Variants in NRDE2 observed in about 807,000 individuals in gnomAD.
The protein encoded by NRDE2 is nuclear exosome regulator NRDE2.
NRDE2 carries 76 observed loss-of-function variants against 124.2 expected under a neutral mutation model. The ratio of observed to expected loss-of-function variants is 0.61; its 90% CI spans 0.51 to 0.74. NRDE2 has a LOEUF of 0.74. NRDE2 is among the 30% of genes least tolerant of loss of function. The probability of loss-of-function intolerance (pLI) is 0.00; values close to 1 mark genes in which losing one functional copy is unlikely to be tolerated. For synonymous variants in NRDE2, 489 were observed against 528.1 expected, an observed-to-expected ratio of 0.93 and a Z score of 1.01; for missense variants, 1,314 against 1,417.3, an observed-to-expected ratio of 0.93 and a Z score of 1.17.
intron 12 of NRDE2, among the ~76,000 whole-genome samples, chr14:90,284,608 A>G (rs1017528210): frequency 3.3e-5 from 5 of 152,014 alleles, no homozygotes; most frequent in Admixed American, 2.0e-4. Context: ...ACCTCAGGTG[A>G]TCCGGCTCCC....
intron 4 of NRDE2, among the ~76,000 whole-genome samples, chr14:90,310,958 T>G (rs1382171211): frequency 6.6e-6 from 1 of 152,176 alleles, no homozygotes; most frequent in South Asian, 2.1e-4. Flanking sequence ...ACCATAAAGT[T>G]TCCATTGACA....
At chr14:90,331,665 G>A (rs558777968) in intron 1 of NRDE2, among the ~76,000 whole-genome samples, 176 bp downstream of exon 1, 1 of 152,292 alleles carries the variant, frequency 6.6e-6, no homozygotes, top group Admixed American at 6.5e-5. Context: ...TCCAGAACAG[G>A]CCTCTGGGCC....
In NRDE2 at chr14:90,269,682, A is replaced by T. The variant is rs1006013239; in HGVS notation, c.*8654T>A. 3 of 986,070 alleles carry T rather than the reference A, an allele frequency of 3.0e-6. No homozygotes were observed. The highest frequency in any genetic ancestry group is 2.4e-4 in the Middle Eastern group (1 of 4,198). 61.1% of individuals were successfully genotyped at this position (986,070 alleles called of 1,614,324 possible). On this transcript the variant is annotated 3_prime_UTR_variant, in exon 14 of 14. Coordinates refer to ENST00000354366, the MANE Select transcript of NRDE2 (RefSeq NM_017970.4). Reference sequence around the variant, plus strand: ...TGAAACTTAGGATAATTTACAAAAAAATAGGTCCTCTTGAGATGAGGGTTA... The same window carrying T: ...TGAAACTTAGGATAATTTACAAAAATATAGGTCCTCTTGAGATGAGGGTTA...
rs890842661 is a variant in NRDE2 at position 90,272,652 on chromosome 14, C to T, written c.*5684G>A. The T allele has an allele frequency of 8.5e-6, 3 of 355,000 alleles. No individual in the cohort carries two copies. Among genetic ancestry groups the T allele is most frequent in the Non-Finnish European group, 1.1e-5 (2 of 185,644 alleles). The allele number at this position is 355,000 out of a possible 1,614,324, so 22.0% of individuals were successfully genotyped here. A position where few individuals can be genotyped will look rare whatever the true frequency, so the allele number is the denominator to read the frequency against. ...TTCCTGTTTCTGCAGTCTCCACACACACCTACCGCTCAACAGCAGCCTGTG... is the reference window on the plus strand; with the variant it reads ...TTCCTGTTTCTGCAGTCTCCACACATACCTACCGCTCAACAGCAGCCTGTG... On this transcript the variant is annotated 3_prime_UTR_variant, in exon 14 of 14. Transcript: ENST00000354366. This position sits in a 1 kb window ranked among gnomAD's most constrained non-coding sequence, Gnocchi z 4.5.
In NRDE2 at chr14:90,290,518, C is replaced by T. The variant is rs45462994; in HGVS notation, c.1932G>A (p.Leu644=). 15 of 1,613,534 alleles carry T rather than the reference C, an allele frequency of 9.3e-6. No individual in the cohort carries two copies. Among genetic ancestry groups the T allele is most frequent in the Non-Finnish European group, 1.3e-5 (15 of 1,179,742 alleles). ...FQLVEAFLQF[L]GVPSGFTPPA... is the part of the protein sequence containing the mutation. ...GAGGAGTAAAGCCAGAAGGCACACC[C>T]AAGAACTGCAGGAAGGCCTCCACCA... The change falls in exon 10 of 14, where the codon TTG becomes TTA. Residue 644 remains leucine, a synonymous_variant. Coordinates refer to ENST00000354366, the MANE Select transcript of NRDE2 (RefSeq NM_017970.4).
At position 90,278,232 on chromosome 14, in the gene NRDE2, CAA is replaced by C; in HGVS notation, c.*102_*103del. 6.4e-6 allele frequency: 9 copies of C among 1,401,578 alleles called. No individual in the cohort carries two copies. In the South Asian group the frequency reaches 1.1e-4, roughly 17 times the overall value. 86.8% of individuals were successfully genotyped at this position (1,401,578 alleles called of 1,614,324 possible). A position where few individuals can be genotyped will look rare whatever the true frequency, so the allele number is the denominator to read the frequency against. ...TTATTACTATCGAGAAAGAACATTT[CAA>C]AAGCCGAGTTCTCCTAACACACACG... On this transcript the variant is annotated 3_prime_UTR_variant, in exon 14 of 14. Coordinates refer to ENST00000354366, the MANE Select transcript of NRDE2 (RefSeq NM_017970.4).
chr14:90,291,521 T>C (rs1892271109), intron 9 of NRDE2, among the ~76,000 whole-genome samples: 1 of 152,174 alleles, frequency 6.6e-6, no homozygotes, highest in Admixed American at 6.5e-5. Flanking sequence ...GAGAAATGAC[T>C]TCCAGAAGGG....
chr14:90,301,707 G>A, intron 6 of NRDE2: 1 of 454,306 alleles, frequency 2.2e-6, no homozygotes, highest in African/African-American at 2.0e-5. Context: ...GAAAAAGGAT[G>A]GCGTAGCAGA....
chr14:90,269,088 T>C lies in NRDE2; in HGVS notation c.*9248A>G. 2 of 241,368 alleles carry C rather than the reference T, an allele frequency of 8.3e-6. No homozygotes were observed. The highest frequency in any genetic ancestry group is 5.2e-5 in the Admixed American group (1 of 19,410). The allele number at this position is 241,368 out of a possible 1,614,324, so 15.0% of individuals were successfully genotyped here. On this transcript the variant is annotated 3_prime_UTR_variant, in exon 14 of 14. Coordinates refer to ENST00000354366, the MANE Select transcript of NRDE2 (RefSeq NM_017970.4). ...TAAGGAATACATGCTGTATAAGGCC[T>C]TTTTCTCTTTTTAGAAGGAACTCAT... is the stretch of plus-strand genomic sequence containing the variant.
intron 4 of NRDE2, among the ~76,000 whole-genome samples, chr14:90,309,952 A>G (rs964054132): frequency 8.5e-5 from 13 of 152,206 alleles, no homozygotes; most frequent in African/African-American, 3.1e-4. Flanking sequence ...AGCCTGTGCC[A>G]TTCATTAGCA....
intron 1 of NRDE2, 35 bp downstream of exon 1, chr14:90,331,806 C>A: frequency 6.2e-7 from 1 of 1,611,464 alleles, no homozygotes; most frequent in Non-Finnish European, 8.5e-7. Flanking sequence ...TCTTAAGCCC[C>A]CCAGGTGCCT....
rs1250062703 is a variant in NRDE2, at chr14:90,275,487, A to G, written c.*2849T>C. On this transcript the variant is annotated 3_prime_UTR_variant, in exon 14 of 14. Coordinates refer to ENST00000354366, the MANE Select transcript of NRDE2 (RefSeq NM_017970.4). ...TAGCTGAGCGTTTTCCTCTAGAGGG[A>G]CAGTCTCCCTCATGTCAATTCTACA... 1.3e-5 allele frequency: 2 copies of G among 152,064 alleles called. No individual in the cohort carries two copies. The highest frequency in any genetic ancestry group is 4.8e-5 in the African/African-American group (2 of 41,368). 9.4% of individuals were successfully genotyped at this position (152,064 alleles called of 1,614,324 possible).
chr14:90,270,709 C>T lies in NRDE2; in HGVS notation c.*7627G>A, dbSNP rs1891638707. ...TCTCCCCAGAGCCGCAGAGTGGGGACCAAGCACCCGCTGCATTCATCTCCC... is the reference window on the plus strand; with the variant it reads ...TCTCCCCAGAGCCGCAGAGTGGGGATCAAGCACCCGCTGCATTCATCTCCC... On this transcript the variant is annotated 3_prime_UTR_variant, in exon 14 of 14. Transcript: ENST00000354366. 5.6e-6 allele frequency: 1 copy of T among 178,848 alleles called. No individual in the cohort carries two copies. The highest frequency in any genetic ancestry group is 1.2e-5 in the Non-Finnish European group (1 of 85,958). The allele number at this position is 178,848 out of a possible 1,614,324, so 11.1% of individuals were successfully genotyped here.
chr14:90,315,121 G>A (rs995714331), intron 3 of NRDE2, among the ~76,000 whole-genome samples: 1 of 141,622 alleles, frequency 7.1e-6, no homozygotes, highest in African/African-American at 2.6e-5. Context: ...AGGTTGCAGT[G>A]AGCCGAGATC....
intron 3 of NRDE2, among the ~76,000 whole-genome samples, chr14:90,313,421 C>T (rs1278484802): frequency 5.3e-5 from 8 of 152,170 alleles, no homozygotes; most frequent in Admixed American, 2.6e-4. Flanking sequence ...CCACCGTGCC[C>T]GGCTCAGCCT....
intron 8 of NRDE2, among the ~76,000 whole-genome samples, chr14:90,295,242 G>A (rs1409302566): frequency 6.6e-6 from 1 of 152,020 alleles, no homozygotes; most frequent in Non-Finnish European, 1.5e-5. Flanking sequence ...TACTTCTTGT[G>A]ACTCTATACT....
Position 90,279,147 on chromosome 14 carries a change from G to A in NRDE2, c.3298-14C>T, listed in dbSNP as rs1268085324. 1 of 1,593,054 alleles carries A rather than the reference G, an allele frequency of 6.3e-7. No homozygotes were observed. Among genetic ancestry groups the A allele is most frequent in the East Asian group, 2.2e-5 (1 of 44,780 alleles). On this transcript the variant is annotated splice_polypyrimidine_tract_variant and intron_variant, in intron 12 of 13. Transcript: ENST00000354366. ...TCCTAAGGAAACCTGAGGTGAGGGG[G>A]AGAAAATACAAACATGATTAGTTGA... is the stretch of plus-strand genomic sequence containing the variant.
At chr14:90,319,649 T>C (rs148149066) in intron 1 of NRDE2, among the ~76,000 whole-genome samples, 2 of 152,364 alleles carry the variant, frequency 1.3e-5, no homozygotes, top group East Asian at 1.9e-4. Flanking sequence ...ATCCATGCTG[T>C]AGTGTGTATC....
intron 9 of NRDE2, among the ~76,000 whole-genome samples, 183 bp downstream of exon 9, chr14:90,292,514 A>G (rs907839521): frequency 1.3e-5 from 2 of 152,196 alleles, no homozygotes; most frequent in African/African-American, 4.8e-5. Flanking sequence ...AGGAAATTCT[A>G]CACTGATATC....
Sources: allele counts gnomAD v4.1 joint callset (sites outside exome capture counted in the v4.1 genomes callset), GRCh38; gene constraint gnomAD v4.1.1; non-coding constraint Gnocchi (gnomAD v3.1); transcripts MANE v1.5; gene names NCBI Gene and HGNC (gene_info 2026-07-23, HGNC 2026-07-21).